PRUNE2: variants seen among roughly 807,000 people sequenced by gnomAD.
The protein encoded by PRUNE2 is prune homolog 2 with BCH domain, also known as protein prune homolog 2.
In PRUNE2, 164 loss-of-function variants were observed where a neutral mutation model predicts 252.0. The observed-to-expected ratio is 0.65, with a 90% CI of 0.57 to 0.74. The LOEUF (loss-of-function observed/expected upper bound fraction) is 0.74, where lower values mean the gene tolerates loss of function less well. PRUNE2 is among the 30% of genes least tolerant of loss of function. PRUNE2 has a pLI of 0.00. For synonymous variants in PRUNE2, 1,292 were observed against 1,350.2 expected (o/e 0.96, Z 0.94); for missense variants, 3,495 against 3,711.0 (o/e 0.94, Z 1.51).
At chr9:76,766,889 A>G (rs543815250) in intron 6 of PRUNE2, among the ~76,000 whole-genome samples, 10 of 152,312 alleles carry the variant, frequency 6.6e-5, no homozygotes, top group African/African-American at 2.4e-4. Flanking sequence ...ATACACAGGC[A>G]TACACATACA....
At chr9:76,870,885 A>G (rs970356282) in intron 1 of PRUNE2, among the ~76,000 whole-genome samples, 2 of 152,146 alleles carry the variant, frequency 1.3e-5, no homozygotes, top group Non-Finnish European at 2.9e-5. Flanking sequence ...GGCAGCAAAG[A>G]GTACCTCACC....
chr9:76,612,608 T>C lies in PRUNE2; in HGVS notation c.*1962A>G, dbSNP rs1264348744. 6.6e-6 allele frequency: 1 copy of C among 152,280 alleles called. No homozygotes were observed. Among genetic ancestry groups the C allele is most frequent in the African/African-American group, 2.4e-5 (1 of 41,440 alleles). 9.4% of individuals were successfully genotyped at this position (152,280 alleles called of 1,614,324 possible). ...GGGAGGGGGTGGGCTGTAGGGTTTT[T>C]CTGTCCAACAAGCCAGATGTTATGA... is the stretch of plus-strand genomic sequence containing the variant. On this transcript the variant is annotated 3_prime_UTR_variant, in exon 19 of 19. Transcript: ENST00000376718.
rs781210215 is a variant in PRUNE2, at chr9:76,709,307, T to C, written c.2967A>G (p.Pro989=). The C allele has an allele frequency of 5.0e-6, 8 of 1,614,006 alleles. No individual in the cohort carries two copies. The highest frequency in any genetic ancestry group is 1.6e-4 in the Middle Eastern group (1 of 6,062). The change falls in exon 8 of 19, where the codon CCA becomes CCG. Residue 989 remains proline, a synonymous_variant. Coordinates refer to ENST00000376718, the MANE Select transcript of PRUNE2 (RefSeq NM_015225.3). The part of the protein sequence containing the change: ...AGDEKETEHK[P]FAKEEGFESK... Reference sequence around the variant, plus strand: ...ACTCAAAACCTTCCTCTTTAGCAAATGGCTTGTGTTCAGTTTCCTTTTCGT... The same window carrying C: ...ACTCAAAACCTTCCTCTTTAGCAAACGGCTTGTGTTCAGTTTCCTTTTCGT...
intron 6 of PRUNE2, among the ~76,000 whole-genome samples, chr9:76,787,808 G>A (rs2055150398): frequency 6.6e-6 from 1 of 152,178 alleles, no homozygotes; most frequent in African/African-American, 2.4e-5. Context: ...GCCTCCCACT[G>A]CCCACAGGAG....
At chr9:76,897,357 A>G (rs17194631) in intron 1 of PRUNE2, among the ~76,000 whole-genome samples, 14,476 of 105,122 alleles carry the variant, frequency 0.14, 990 homozygotes, top group South Asian at 0.27. Flanking sequence ...CTCCAGCTCT[A>G]CTCTTTGTGG....
At position 76,713,619 on chromosome 9, in the gene PRUNE2, G is replaced by C; in HGVS notation, c.859C>G (p.Gln287Glu). The C allele has an allele frequency of 6.2e-7, 1 of 1,605,752 alleles. No individual in the cohort carries two copies. The highest frequency in any genetic ancestry group is 2.2e-5 in the East Asian group (1 of 44,630). Residue 287 changes from glutamine (Q) to glutamate (E), a missense_variant, in exon 7 of 19, where the codon CAG (glutamine) becomes GAG (glutamate). By Grantham distance (29) the Gln-to-Glu change is conservative. Coordinates refer to ENST00000376718, the MANE Select transcript of PRUNE2 (RefSeq NM_015225.3). ...ACAGCAATCTGTCGTCTCGGCTGCT[G>C]CTCCTCTGACAGATAGCTGGAGAAC... is the stretch of plus-strand genomic sequence containing the variant. ...ILFSSYLSEE[Q>E]QPRRQIAVYS... is the part of the protein sequence containing the mutation.
At chr9:76,872,620 CACA>C (rs2061276672) in intron 1 of PRUNE2, among the ~76,000 whole-genome samples, 1 of 151,546 alleles carries the variant, frequency 6.6e-6, no homozygotes, top group African/African-American at 2.4e-5. Context: ...CACACACACA[CACA>C]CACACACACA....
At chr9:76,791,847 A>G (rs1374838211) in intron 6 of PRUNE2, among the ~76,000 whole-genome samples, 1 of 152,216 alleles carries the variant, frequency 6.6e-6, no homozygotes, top group African/African-American at 2.4e-5. Context: ...GGAGGGGGAA[A>G]GAATCCGAAA....
At chr9:76,841,058 C>G (rs946163509) in intron 4 of PRUNE2, among the ~76,000 whole-genome samples, 1 of 152,006 alleles carries the variant, frequency 6.6e-6, no homozygotes, top group South Asian at 2.1e-4. Context: ...CAGCTCCCAA[C>G]AAGATCAATG....
At chr9:76,773,877 C>T (rs577235162) in intron 6 of PRUNE2, among the ~76,000 whole-genome samples, 2 of 151,978 alleles carry the variant, frequency 1.3e-5, no homozygotes, top group East Asian at 1.9e-4. Context: ...AATAACCCCA[C>T]AGAAAAAAGG....
intron 6 of PRUNE2, chr9:76,739,382 T>C (rs2049367123): frequency 6.6e-6 from 1 of 152,032 alleles, no homozygotes; most frequent in South Asian, 2.1e-4. Context: ...CAGGAAGTAC[T>C]CAATAAATGA....
At chr9:76,855,082 A>AAAAAAAAAAAAAAATATATATATATATAT (rs1490285240) in intron 1 of PRUNE2, among the ~76,000 whole-genome samples, 1 of 109,414 alleles carries the variant, frequency 9.1e-6, no homozygotes, top group African/African-American at 3.9e-5. Flanking sequence ...AAAAAAAAAA[A>AAAAAAAAAAAAAAATATATATATATATAT]ATATATATAT....
At position 76,652,585 on chromosome 9, in the gene PRUNE2, T is replaced by C. The variant is rs544521766; in HGVS notation, c.8455A>G (p.Ile2819Val). Residue 2819 changes from isoleucine to valine, a missense_variant, in exon 11 of 19, where the codon ATT (isoleucine) becomes GTT (valine). Physicochemically the swap from Ile to Val is conservative, Grantham distance 29. Transcript: ENST00000376718. ...CTGTCCAAGTTATCATCAGAGAGAATAGATCCTTCACTTTGGTCCAGAGAA... is the reference window on the plus strand; with the variant it reads ...CTGTCCAAGTTATCATCAGAGAGAACAGATCCTTCACTTTGGTCCAGAGAA... ...NLSLDQSEGS[I>V]LSDDNLDSPD... is the part of the protein sequence containing the mutation. 3.7e-5 allele frequency: 59 copies of C among 1,612,678 alleles called. No individual in the cohort carries two copies. The highest frequency in any genetic ancestry group is 8.8e-5 in the South Asian group (8 of 91,046).
chr9:76,658,438 G>T (rs942039998), intron 9 of PRUNE2, among the ~76,000 whole-genome samples: 4 of 152,224 alleles, frequency 2.6e-5, no homozygotes, highest in Admixed American at 1.3e-4. Flanking sequence ...GAATAGCCTA[G>T]AAGCAAATCT....
chr9:76,880,938 A>C (rs1055978853), intron 1 of PRUNE2, among the ~76,000 whole-genome samples: 4 of 151,894 alleles, frequency 2.6e-5, no homozygotes, highest in Admixed American at 6.6e-5. Flanking sequence ...CACAAATAGA[A>C]GCTCTGGGAC....
At chr9:76,676,045 C>A (rs1470941461) in intron 9 of PRUNE2, among the ~76,000 whole-genome samples, 2 of 139,468 alleles carry the variant, frequency 1.4e-5, no homozygotes, top group African/African-American at 5.2e-5. Context: ...TGCACATGTA[C>A]CCTAAAACTT....
rs759035052 is a variant in PRUNE2, at chr9:76,850,561, G to A, written c.246C>T (p.Ser82=). Residue 82 remains serine (S), a synonymous_variant, in exon 3 of 19, where the codon TCC becomes TCT. Coordinates refer to ENST00000376718, the MANE Select transcript of PRUNE2 (RefSeq NM_015225.3). ...TRFILEELNI[S]ESFHIFRDEI... The stretch of plus-strand genomic sequence containing the variant: ...CATCCCGGAATATGTGGAATGATTC[G>A]GAAATATTTAGCTCTTCTAAAATAA... 12 of 1,613,432 alleles carry A rather than the reference G, an allele frequency of 7.4e-6. No individual in the cohort carries two copies. Among genetic ancestry groups the A allele is most frequent in the African/African-American group, 5.3e-5 (4 of 74,830 alleles).
At position 76,706,128 on chromosome 9, in the gene PRUNE2, A is replaced by G; in HGVS notation, c.6146T>C (p.Val2049Ala). The change falls in exon 8 of 19, where the codon GTG becomes GCG. Residue 2049 changes from valine to alanine, a missense_variant. Coordinates refer to ENST00000376718, the MANE Select transcript of PRUNE2 (RefSeq NM_015225.3). ...AAAGTTGCCATGTAAAATATCTGGC[A>G]CAAAGGTACCTCGGGAGTCCTCACT... is the stretch of plus-strand genomic sequence containing the variant. ...TPSEDSRGTFVPDILHGNFQE... is the reference protein window; with the variant it reads ...TPSEDSRGTFAPDILHGNFQE... The G allele has an allele frequency of 6.2e-7, 1 of 1,614,048 alleles. No individual in the cohort carries two copies. Among genetic ancestry groups the G allele is most frequent in the Non-Finnish European group, 8.5e-7 (1 of 1,179,892 alleles).
chr9:76,644,662 G>A, intron 12 of PRUNE2, 77 bp downstream of exon 12: 2 of 1,391,858 alleles, frequency 1.4e-6, no homozygotes, highest in African/African-American at 1.4e-5. Flanking sequence ...TTCCGGAGAA[G>A]TCTAGACTCA....
Sources: gnomAD v4.1 joint callset for allele counts (sites outside exome capture counted in the v4.1 genomes callset) on GRCh38, gnomAD v4.1.1 for gene constraint, MANE v1.5 for transcripts, NCBI Gene and HGNC (gene_info 2026-07-23, HGNC 2026-07-21) for gene names.